Variants in EPS15 observed in about 807,000 individuals in gnomAD.
EPS15 encodes the protein epidermal growth factor receptor pathway substrate 15.
Under a neutral mutation model 113.8 loss-of-function variants are expected in EPS15, and 72 were observed. The ratio of observed to expected loss-of-function variants is 0.63; its 90% confidence interval spans 0.52 to 0.77. The LOEUF (loss-of-function observed/expected upper bound fraction) is 0.77. Ranked by LOEUF, EPS15 falls within the 30% of genes least tolerant of loss-of-function variation. The pLI is 0.00. For missense variants in EPS15, 1,048 were observed against 1,045.8 expected, an observed-to-expected ratio of 1.00 and a Z score of -0.03; for synonymous variants, 344 against 363.4, an observed-to-expected ratio of 0.95 and a Z score of 0.61.
chr1:51,363,084 G>C (rs912419977), intron 23 of EPS15, among the ~76,000 whole-genome samples: 12 of 152,084 alleles, frequency 7.9e-5, no homozygotes, highest in African/African-American at 2.9e-4. Context: ...GATCACTTGA[G>C]GTCAGGAGGT....
chr1:51,426,583 CG>C (rs1342998333), intron 12 of EPS15, among the ~76,000 whole-genome samples: 1 of 151,272 alleles, frequency 6.6e-6, no homozygotes, highest in Non-Finnish European at 1.5e-5. Flanking sequence ...ACATTTAAAT[CG>C]GTAGGCTTGA....
chr1:51,493,031 TC>T (rs1376266495), intron 1 of EPS15, among the ~76,000 whole-genome samples: 2 of 151,926 alleles, frequency 1.3e-5, no homozygotes, highest in Non-Finnish European at 2.9e-5. Context: ...TTCGAGACCA[TC>T]CTGCCTAACA....
At chr1:51,442,059 A>C (rs1011476310) in intron 11 of EPS15, among the ~76,000 whole-genome samples, 1 of 152,162 alleles carries the variant, frequency 6.6e-6, no homozygotes, top group African/African-American at 2.4e-5. Context: ...ATTTTATATT[A>C]ATTACAGCTT....
intron 1 of EPS15, among the ~76,000 whole-genome samples, chr1:51,484,573 A>AC (rs1644085756): frequency 6.6e-6 from 1 of 152,208 alleles, no homozygotes. Context: ...CACCACATAA[A>AC]CAAGTGATGA....
rs115809594 is a variant in EPS15, at chr1:51,426,771, G to A, written c.1041-4913C>T. ...CCTGCCAGCCTGTCCTAGAGATGTC[G>A]GACTTGCCAGCTCCCACAATCTTAA... On this transcript the variant is annotated intron_variant, in intron 12 of 24. Transcript: ENST00000371733. 7.1e-3 allele frequency among the ~76,000 whole-genome samples: 1,061 copies of A among 150,396 alleles called. 10 individuals carry two copies. The highest frequency in any genetic ancestry group is 0.011 in the Non-Finnish European group (768 of 67,648).
chr1:51,440,288 T>C (rs1261303464), intron 12 of EPS15, 59 bp downstream of exon 12: 339 of 627,938 alleles, frequency 5.4e-4, no homozygotes, highest in African/African-American at 1.3e-3. Context: ...TGTGTGTGTG[T>C]GTGTGTGTGT....
At chr1:51,443,850 T>C (rs1312336074) in intron 11 of EPS15, among the ~76,000 whole-genome samples, 1 of 151,964 alleles carries the variant, frequency 6.6e-6, no homozygotes, top group African/African-American at 2.4e-5. Context: ...AGAGACAGGG[T>C]CTTGCTATGT....
At chr1:51,404,717 C>T (rs1648930799) in intron 16 of EPS15, among the ~76,000 whole-genome samples, 2 of 152,192 alleles carry the variant, frequency 1.3e-5, no homozygotes, top group South Asian at 4.1e-4. Flanking sequence ...CTAAATTTCT[C>T]ATCTTCTGGC....
intron 1 of EPS15, among the ~76,000 whole-genome samples, chr1:51,514,069 G>A (rs1444341165): frequency 6.6e-6 from 1 of 151,956 alleles, no homozygotes; most frequent in African/African-American, 2.4e-5. Flanking sequence ...TTTCTTCCAG[G>A]CTTTCTTCTA....
Position 51,361,181 on chromosome 1 carries a change from T to C in EPS15, c.2534A>G (p.Asn845Ser), listed in dbSNP as rs151081025. The C allele has an allele frequency of 2.8e-3, 4,529 of 1,613,806 alleles. 92 individuals carry two copies. The Admixed American group carries it at 0.041, about 15-fold the overall frequency. Residue 845 changes from asparagine (N) to serine (S), a missense_variant, in exon 24 of 25, where the codon AAC (asparagine) becomes AGC (serine). By Grantham distance (46) the Asn-to-Ser change is conservative. Transcript: ENST00000371733. ...NKEADPSNFA[N>S]FSAYPSEEDM... ...ATTCACAGTACTTACAGCACTGAAG[T>C]TGGCAAAATTGCTTGGATCAGCCTC...
intron 21 of EPS15, among the ~76,000 whole-genome samples, chr1:51,387,672 A>T (rs1337046067): frequency 2.0e-5 from 3 of 152,220 alleles, no homozygotes; most frequent in African/African-American, 7.2e-5. Context: ...TTGCAATCTT[A>T]GTCTCTGATA....
chr1:51,367,282 T>TGG, intron 21 of EPS15, among the ~76,000 whole-genome samples: 1 of 152,302 alleles, frequency 6.6e-6, no homozygotes, highest in South Asian at 2.1e-4. Context: ...CCAGGTGCAG[T>TGG]GGCTCACGCC....
chr1:51,481,999 G>A (rs1444070705), intron 1 of EPS15, among the ~76,000 whole-genome samples: 2 of 152,020 alleles, frequency 1.3e-5, no homozygotes, highest in Non-Finnish European at 2.9e-5. Flanking sequence ...GTGAGACCTC[G>A]TCTTTACAAA....
rs112759733 is a variant in EPS15 at position 51,418,499 on chromosome 1, G to A, written c.1113+3287C>T. On this transcript the variant is annotated intron_variant, in intron 13 of 24. Transcript: ENST00000371733. ...TACAGGGTTGCTACAAAGATAGGAAGGGGGGGAAAATGGCCACACAAAGCA... is the reference window on the plus strand; with the variant it reads ...TACAGGGTTGCTACAAAGATAGGAAAGGGGGGAAAATGGCCACACAAAGCA... Among the ~76,000 whole-genome samples the A allele has an allele frequency of 7.1e-3, 1,076 of 152,110 alleles. 7 individuals are homozygous for A. The highest frequency in any genetic ancestry group is 0.025 in the African/African-American group (1,034 of 41,506).
At chr1:51,481,472 C>T (rs937324594) in intron 1 of EPS15, among the ~76,000 whole-genome samples, 158 bp from the exon 2 acceptor site, 1 of 152,070 alleles carries the variant, frequency 6.6e-6, no homozygotes, top group African/African-American at 2.4e-5. Flanking sequence ...GAGCGTGAGA[C>T]AGAGAATAGA....
At chr1:51,421,994 T>C (rs1650804005) in intron 12 of EPS15, 136 bp from the exon 13 acceptor site, 2 of 1,360,644 alleles carry the variant, frequency 1.5e-6, no homozygotes, top group South Asian at 2.1e-5. Context: ...GGCAGATTTT[T>C]CTACCCTCTT....
intron 1 of EPS15, among the ~76,000 whole-genome samples, chr1:51,484,248 G>A (rs1398385977): frequency 6.6e-6 from 1 of 151,752 alleles, no homozygotes; most frequent in Non-Finnish European, 1.5e-5. Flanking sequence ...ATATGTCTCC[G>A]ATTTCCCATT....
intron 12 of EPS15, among the ~76,000 whole-genome samples, chr1:51,428,090 A>G (rs1651377978): frequency 6.6e-6 from 1 of 151,964 alleles, no homozygotes; most frequent in Admixed American, 6.5e-5. Flanking sequence ...GATATATTTA[A>G]AGTGCTGGAA....
intron 12 of EPS15, among the ~76,000 whole-genome samples, chr1:51,440,067 G>A (rs1251501234): frequency 6.6e-6 from 1 of 151,800 alleles, no homozygotes; most frequent in Admixed American, 6.6e-5. Context: ...TTAATGGCAC[G>A]TCATTGTTTA....
Sources: gnomAD v4.1 joint callset for allele counts (sites outside exome capture counted in the v4.1 genomes callset) on GRCh38, gnomAD v4.1.1 for gene constraint, MANE v1.5 for transcripts, NCBI Gene and HGNC (gene_info 2026-07-23, HGNC 2026-07-21) for gene names.